Variants in KCNH7 observed in about 807,000 individuals in gnomAD.
KCNH7 encodes voltage-gated inwardly rectifying potassium channel KCNH7.
KCNH7 carries 49 observed loss-of-function variants against 120.8 expected under a neutral mutation model. That is an observed-to-expected ratio of 0.41 (90% CI 0.32 to 0.51). The LOEUF is 0.51. Among genes scored for constraint, KCNH7 ranks in the 20% least tolerant of loss-of-function variants. The pLI is 0.38. For synonymous variants in KCNH7, 547 were observed against 516.1 expected (o/e 1.06, Z -0.81); for missense variants, 1,097 against 1,446.6 (o/e 0.76, Z 3.92).
At chr2:162,430,459 A>G (rs560264017) in intron 8 of KCNH7, among the ~76,000 whole-genome samples, 13 of 151,656 alleles carry the variant, frequency 8.6e-5, no homozygotes, top group Non-Finnish European at 1.5e-4. Context: ...AGTCTCCATG[A>G]CCTCTGATCT....
chr2:162,610,350 A>G (rs1231451846), intron 2 of KCNH7, among the ~76,000 whole-genome samples: 1 of 152,102 alleles, frequency 6.6e-6, no homozygotes, highest in Admixed American at 6.5e-5. Context: ...CCACCTAGGT[A>G]TAGCTTTCCA....
intron 2 of KCNH7, among the ~76,000 whole-genome samples, chr2:162,807,153 A>G (rs1322616590): frequency 3.3e-5 from 5 of 150,942 alleles, no homozygotes; most frequent in Non-Finnish European, 7.4e-5. Flanking sequence ...GCTCAAGCCT[A>G]TAATCCCAGC....
At chr2:162,544,782 T>G (rs1189031254) in intron 2 of KCNH7, among the ~76,000 whole-genome samples, 1 of 152,112 alleles carries the variant, frequency 6.6e-6, no homozygotes, top group Non-Finnish European at 1.5e-5. Flanking sequence ...CACCATCTAT[T>G]TGTCCAGCCT....
intron 8 of KCNH7, among the ~76,000 whole-genome samples, chr2:162,427,719 T>C (rs1687913620): frequency 6.6e-6 from 1 of 151,944 alleles, no homozygotes; most frequent in African/African-American, 2.4e-5. Context: ...AATTTATCAA[T>C]TTTTCTTTTA....
chr2:162,818,552 G>C (rs12479256), intron 2 of KCNH7, among the ~76,000 whole-genome samples: 1 of 151,842 alleles, frequency 6.6e-6, no homozygotes, highest in African/African-American at 2.4e-5. Context: ...TGTTTCTTTG[G>C]GTTATTCTAG....
intron 2 of KCNH7, among the ~76,000 whole-genome samples, chr2:162,686,335 A>C (rs1040924042): frequency 9.9e-5 from 15 of 152,150 alleles, no homozygotes; most frequent in South Asian, 2.1e-4. Flanking sequence ...TCGGCCAAGC[A>C]GAGAAGTGAA....
intron 6 of KCNH7, among the ~76,000 whole-genome samples, chr2:162,474,722 C>T (rs1283481834): frequency 6.6e-5 from 10 of 152,162 alleles, no homozygotes; most frequent in Admixed American, 3.9e-4. Context: ...TGGAGGAAAC[C>T]AGCCTTGCTG....
At chr2:162,743,477 A>G (rs1409063498) in intron 2 of KCNH7, among the ~76,000 whole-genome samples, 1 of 152,144 alleles carries the variant, frequency 6.6e-6, no homozygotes. Context: ...ATGTTACCAA[A>G]GAAAAAATGA....
intron 3 of KCNH7, among the ~76,000 whole-genome samples, chr2:162,529,425 TC>T (rs1691837815): frequency 6.6e-6 from 1 of 151,766 alleles, no homozygotes; most frequent in Non-Finnish European, 1.5e-5. Flanking sequence ...TAATTTAGGT[TC>T]CCCCAATCCC....
intron 2 of KCNH7, among the ~76,000 whole-genome samples, chr2:162,596,342 G>A (rs368821068): frequency 3.3e-5 from 5 of 152,026 alleles, no homozygotes; most frequent in Admixed American, 6.6e-5. Flanking sequence ...CATGGTATTG[G>A]CAAAACAACA....
intron 2 of KCNH7, among the ~76,000 whole-genome samples, chr2:162,694,386 T>C (rs1686216378): frequency 6.6e-6 from 1 of 152,140 alleles, no homozygotes; most frequent in Non-Finnish European, 1.5e-5. Flanking sequence ...TAGTTCTATT[T>C]TACTCTGGCA....
chr2:162,802,440 C>T (rs1477812013), intron 2 of KCNH7, among the ~76,000 whole-genome samples: 10 of 151,554 alleles, frequency 6.6e-5, no homozygotes, highest in East Asian at 1.9e-4. Context: ...CCTTCTCTCT[C>T]GGGTCATATT....
At chr2:162,463,980 T>C (rs1242877042) in intron 6 of KCNH7, among the ~76,000 whole-genome samples, 2 of 151,964 alleles carry the variant, frequency 1.3e-5, no homozygotes, top group African/African-American at 2.4e-5. Context: ...GCTGATTCTA[T>C]CATAGTCAAG....
At chr2:162,776,674 T>C (rs1470520449) in intron 2 of KCNH7, among the ~76,000 whole-genome samples, 1 of 152,166 alleles carries the variant, frequency 6.6e-6, no homozygotes, top group Non-Finnish European at 1.5e-5. Context: ...TTATGATTCC[T>C]AATTTCCCTT....
chr2:162,498,638 A>G (rs1008415077), intron 6 of KCNH7, among the ~76,000 whole-genome samples: 1 of 152,038 alleles, frequency 6.6e-6, no homozygotes, highest in Non-Finnish European at 1.5e-5. Flanking sequence ...TGTGACTGTC[A>G]GTCAAGGGAC....
At chr2:162,462,565 A>G (rs1197858582) in intron 6 of KCNH7, among the ~76,000 whole-genome samples, 1 of 151,802 alleles carries the variant, frequency 6.6e-6, no homozygotes, top group Non-Finnish European at 1.5e-5. Flanking sequence ...GAGAGAGTCA[A>G]AAGAGTAAGA....
intron 6 of KCNH7, among the ~76,000 whole-genome samples, chr2:162,470,441 G>T (rs10930056): frequency 6.2e-5 from 9 of 144,894 alleles, no homozygotes; most frequent in Admixed American, 3.5e-4. Context: ...CAGCCGCCCC[G>T]TCTGAGAAGT....
intron 2 of KCNH7, among the ~76,000 whole-genome samples, chr2:162,808,807 G>T (rs1158422450): frequency 6.6e-6 from 1 of 151,990 alleles, no homozygotes; most frequent in Non-Finnish European, 1.5e-5. Flanking sequence ...TTAGTTTTCA[G>T]TCTCTAAATA....
chr2:162,530,708 C>T (rs1298034141), intron 3 of KCNH7, among the ~76,000 whole-genome samples: 1 of 151,872 alleles, frequency 6.6e-6, no homozygotes, highest in Non-Finnish European at 1.5e-5. Flanking sequence ...AGAGGTGCAT[C>T]AGAATTTTTT....
Sources: gnomAD v4.1 joint callset for allele counts (sites outside exome capture counted in the v4.1 genomes callset) on GRCh38, gnomAD v4.1.1 for gene constraint, MANE v1.5 for transcripts, NCBI Gene and HGNC (gene_info 2026-07-23, HGNC 2026-07-21) for gene names.